Variants in UBE2R2 observed in about 807,000 individuals in gnomAD.
The protein encoded by UBE2R2 is ubiquitin-conjugating enzyme E2 R2.
UBE2R2 carries 1 observed loss-of-function variant against 27.8 expected under a neutral mutation model. The ratio of observed to expected loss-of-function variants is 0.04; its 90% CI spans 0.01 to 0.17. The LOEUF (loss-of-function observed/expected upper bound fraction) is 0.17, where lower values mean the gene tolerates loss of function less well. Ranked by LOEUF, UBE2R2 falls within the 10% of genes least tolerant of loss-of-function variation. UBE2R2 has a pLI of 1.00. For synonymous variants in UBE2R2, 106 were observed against 113.3 expected (o/e 0.94, Z 0.41); for missense variants, 100 against 291.0 (o/e 0.34, Z 4.78).
chr9:33,864,312 A>G (rs1821312048), intron 1 of UBE2R2, among the ~76,000 whole-genome samples: 1 of 152,152 alleles, frequency 6.6e-6, no homozygotes, highest in Non-Finnish European at 1.5e-5. Context: ...TCAGTTACCC[A>G]GGATGTCTTA....
chr9:33,836,739 A>G (rs1432911301), intron 1 of UBE2R2, among the ~76,000 whole-genome samples: 1 of 149,252 alleles, frequency 6.7e-6, no homozygotes, highest in African/African-American at 2.5e-5. Flanking sequence ...CCTGGGCAAC[A>G]GAGCAAGACT....
chr9:33,902,851 G>A (rs1199231524), intron 3 of UBE2R2, among the ~76,000 whole-genome samples: 1 of 152,144 alleles, frequency 6.6e-6, no homozygotes, highest in Non-Finnish European at 1.5e-5. Context: ...TGTAATCCCA[G>A]CACTTTGGGA....
rs16935252 is a variant in UBE2R2 at position 33,892,300 on chromosome 9, A to G, written c.264+5333A>G. ...CATATTTTTCACAAACTGTATTACA[A>G]TGAGAGTTCATATAACACTTTCTTT... On this transcript the variant is annotated intron_variant, in intron 2 of 4. Coordinates refer to ENST00000263228, the MANE Select transcript of UBE2R2 (RefSeq NM_017811.4). Among the ~76,000 whole-genome samples the G allele has an allele frequency of 4.9e-3, 754 of 152,348 alleles. 10 individuals carry two copies. Among genetic ancestry groups the G allele is most frequent in the East Asian group, 0.047 (243 of 5,188 alleles).
chr9:33,840,549 G>C (rs1299741507), intron 1 of UBE2R2, among the ~76,000 whole-genome samples: 1 of 152,130 alleles, frequency 6.6e-6, no homozygotes, highest in Non-Finnish European at 1.5e-5. Context: ...TGAACTCAGA[G>C]ACTTGGTCAG....
chr9:33,816,719 G>C (rs1825768966), upstream of UBE2R2, among the ~76,000 whole-genome samples: 1 of 152,222 alleles, frequency 6.6e-6, no homozygotes, highest in Non-Finnish European at 1.5e-5. Flanking sequence ...CGCAGACTGG[G>C]TGTCACGGGG....
chr9:33,891,110 T>C (rs867365410), intron 2 of UBE2R2, among the ~76,000 whole-genome samples: 1 of 144,720 alleles, frequency 6.9e-6, no homozygotes, highest in Non-Finnish European at 1.5e-5. Flanking sequence ...AGTGCAATGG[T>C]GCAATCTTGG....
intron 1 of UBE2R2, among the ~76,000 whole-genome samples, chr9:33,858,866 C>T (rs922077388): frequency 7.9e-5 from 12 of 151,986 alleles, no homozygotes; most frequent in African/African-American, 2.9e-4. Context: ...ACTCTGTTGC[C>T]CAGGGTGGAG....
chr9:33,859,789 TGTGTGTGTGTGAGAGA>T (rs775922945), intron 1 of UBE2R2, among the ~76,000 whole-genome samples: 9 of 108,596 alleles, frequency 8.3e-5, no homozygotes, highest in Admixed American at 3.8e-4. Context: ...TGTGTGTGTG[TGTGTGTGTGTGAGAGA>T]GAGAGAGAGA....
intron 1 of UBE2R2, among the ~76,000 whole-genome samples, chr9:33,845,962 C>G (rs1348298742): frequency 6.6e-6 from 1 of 152,008 alleles, no homozygotes; most frequent in Non-Finnish European, 1.5e-5. Flanking sequence ...AACCCCGTCT[C>G]TACTGAAAAT....
intron 1 of UBE2R2, among the ~76,000 whole-genome samples, chr9:33,867,954 G>A (rs972895854): frequency 6.6e-6 from 1 of 152,200 alleles, no homozygotes; most frequent in Non-Finnish European, 1.5e-5. Flanking sequence ...GGTCAGTCAG[G>A]ATGGTGGCCC....
Position 33,833,389 on chromosome 9 carries a change from G to A in UBE2R2, c.177+15455G>A, listed in dbSNP as rs116846949. On this transcript the variant is annotated intron_variant, in intron 1 of 4. Coordinates refer to ENST00000263228, the MANE Select transcript of UBE2R2 (RefSeq NM_017811.4). The stretch of plus-strand genomic sequence containing the variant: ...TAATTTTTGTGTTTTTAGCAGAGAC[G>A]TGGTTTCACCATGTTGGCCAGGTTG... Among the ~76,000 whole-genome samples the A allele has an allele frequency of 8.0e-3, 1,217 of 152,106 alleles. 8 individuals carry two copies. The highest frequency in any genetic ancestry group is 0.033 in the East Asian group (169 of 5,170).
intron 1 of UBE2R2, among the ~76,000 whole-genome samples, chr9:33,851,351 A>G (rs950416065): frequency 4.6e-5 from 7 of 152,194 alleles, no homozygotes; most frequent in Non-Finnish European, 1.0e-4. Context: ...TATGAAGTTA[A>G]TAATTCTCAG....
At chr9:33,887,129 A>T (rs1821877694) in intron 2 of UBE2R2, among the ~76,000 whole-genome samples, 162 bp downstream of exon 2, 1 of 152,202 alleles carries the variant, frequency 6.6e-6, no homozygotes, top group Admixed American at 6.5e-5. Flanking sequence ...TAATTATTTA[A>T]CATTAGTGTA....
chr9:33,893,981 G>C (rs962045047), intron 2 of UBE2R2, among the ~76,000 whole-genome samples: 4 of 151,482 alleles, frequency 2.6e-5, no homozygotes, highest in African/African-American at 9.7e-5. Flanking sequence ...TTTCCTGTTA[G>C]TGCTGGGATT....
intron 1 of UBE2R2, among the ~76,000 whole-genome samples, chr9:33,827,165 TA>T (rs899276110): frequency 2.0e-5 from 3 of 151,440 alleles, no homozygotes; most frequent in East Asian, 1.9e-4. Flanking sequence ...GCTGTTCGAA[TA>T]AAAAAAAATT....
chr9:33,846,958 G>A (rs557933052), intron 1 of UBE2R2, among the ~76,000 whole-genome samples: 6 of 143,556 alleles, frequency 4.2e-5, no homozygotes, highest in East Asian at 2.0e-4. Context: ...TCAACAACCC[G>A]TCTCAGTTTT....
At chr9:33,869,240 G>A (rs572151233) in intron 1 of UBE2R2, among the ~76,000 whole-genome samples, 5 of 152,146 alleles carry the variant, frequency 3.3e-5, no homozygotes, top group East Asian at 3.9e-4. Context: ...CTGTACTCCC[G>A]CCAGGGCAAG....
intron 1 of UBE2R2, among the ~76,000 whole-genome samples, chr9:33,844,489 C>T (rs1052386677): frequency 1.3e-5 from 2 of 151,290 alleles, no homozygotes; most frequent in African/African-American, 4.9e-5. Context: ...CAGGCGTGAG[C>T]CACCACGCCT....
At chr9:33,870,173 C>T (rs931798984) in intron 1 of UBE2R2, among the ~76,000 whole-genome samples, 3 of 150,958 alleles carry the variant, frequency 2.0e-5, no homozygotes, top group African/African-American at 7.3e-5. Context: ...GATCGAATCT[C>T]GCTTTGTCAC....
Sources: allele counts gnomAD v4.1 joint callset (sites outside exome capture counted in the v4.1 genomes callset), GRCh38; gene constraint gnomAD v4.1.1; transcripts MANE v1.5; gene names NCBI Gene and HGNC (gene_info 2026-07-23, HGNC 2026-07-21).